The following SORBS3 variants were observed in gnomAD, a reference collection of about 807,000 sequenced individuals.
SORBS3 encodes sorbin and SH3 domain containing 3.
Under a neutral mutation model 98.0 loss-of-function variants are expected in SORBS3, and 69 were observed. The ratio of observed to expected loss-of-function variants is 0.70; its 90% CI spans 0.58 to 0.86. The LOEUF (loss-of-function observed/expected upper bound fraction) is 0.86, where lower values mean the gene tolerates loss of function less well. Ranked by LOEUF, SORBS3 falls within the 40% of genes least tolerant of loss-of-function variation. The probability of loss-of-function intolerance (pLI) is 0.00; values close to 1 mark genes in which losing one functional copy is unlikely to be tolerated. For synonymous variants in SORBS3, 394 were observed against 355.4 expected (o/e 1.11, Z -1.22); for missense variants, 954 against 908.5 (o/e 1.05, Z -0.64).
In SORBS3 at chr8:22,561,903, A is replaced by AGGCCC. The variant is rs1330443380; in HGVS notation, c.565_569dup (p.Thr191ArgfsTer45). On this transcript the variant is annotated frameshift_variant, in exon 7 of 21. Coordinates refer to ENST00000240123, the MANE Select transcript of SORBS3 (RefSeq NM_005775.5). LOFTEE classifies it high-confidence loss of function. Reference sequence around the variant, plus strand: ...AGGAGCCCAGCAAAGACCTGCCCACAGGCCCGGCCCGGCAACATCTTCCAG... The same window carrying AGGCCC: ...AGGAGCCCAGCAAAGACCTGCCCACAGGCCCGGCCCGGCCCGGCAACATCTTCCAG... 1 of 1,614,104 alleles carries AGGCCC rather than the reference A, an allele frequency of 6.2e-7. No homozygotes were observed. The highest frequency in any genetic ancestry group is 8.5e-7 in the Non-Finnish European group (1 of 1,179,958).
At chr8:22,550,241 G>T (rs1273632902), upstream of SORBS3, among the ~76,000 whole-genome samples, 1 of 152,182 alleles carries the variant, frequency 6.6e-6, no homozygotes, top group East Asian at 1.9e-4. Flanking sequence ...CAATGCCCCT[G>T]CCATCCCCAT....
At chr8:22,562,380 G>C (rs1194161280) in intron 7 of SORBS3, among the ~76,000 whole-genome samples, 1 of 152,224 alleles carries the variant, frequency 6.6e-6, no homozygotes, top group East Asian at 1.9e-4. Flanking sequence ...TGATAGCACA[G>C]AGAGAGGAGC....
intron 1 of SORBS3, among the ~76,000 whole-genome samples, chr8:22,552,369 A>C (rs754270): frequency 0.45 from 69,066 of 151,998 alleles, 16,129 homozygotes; most frequent in African/African-American, 0.54. Flanking sequence ...CCTGGAGGGG[A>C]GGTCTGAATT....
chr8:22,573,253 C>A (rs10088686), intron 20 of SORBS3: 112,820 of 445,108 alleles, frequency 0.25, 15,433 homozygotes, highest in Non-Finnish European at 0.28. Flanking sequence ...GGGAGGGAGG[C>A]GGTGCTTGGA....
In SORBS3 at chr8:22,564,474, A is replaced by T; in HGVS notation, c.769A>T (p.Lys257Ter). 1.2e-6 allele frequency: 2 copies of T among 1,614,124 alleles called. No homozygotes were observed. Among genetic ancestry groups the T allele is most frequent in the Non-Finnish European group, 1.7e-6 (2 of 1,180,026 alleles). Residue 257 changes from lysine (K) to a stop codon, truncating the protein, a stop_gained, in exon 10 of 21, where the codon AAA (lysine) becomes TAA (stop). Transcript: ENST00000240123. LOFTEE classifies it high-confidence loss of function. Reference protein sequence around the residue: ...QELETGQRPKKPLVDDPGEKP... With the variant: ...QELETGQRPK ...CACCCTTTCTACCCTTCAGCCCAAG[A>T]AACCGCTGGTGGACGACCCTGGTGA...
chr8:22,552,069 G>A (rs1840092932), intron 1 of SORBS3, 47 bp downstream of exon 1: 3 of 985,268 alleles, frequency 3.0e-6, no homozygotes, highest in Non-Finnish European at 3.6e-6. Flanking sequence ...GCCGGCGGGA[G>A]GGATCCGTGC....
At chr8:22,572,034 G>A (rs1840600821) in intron 19 of SORBS3, among the ~76,000 whole-genome samples, 1 of 152,228 alleles carries the variant, frequency 6.6e-6, no homozygotes, top group Admixed American at 6.5e-5. Flanking sequence ...GTGGCCTTGT[G>A]GCCTTGGTCT....
Position 22,554,591 on chromosome 8 carries a change from T to TC in SORBS3, c.87dup (p.Ser30LeufsTer18). On this transcript the variant is annotated frameshift_variant, in exon 2 of 21. Transcript: ENST00000240123. LOFTEE classifies it high-confidence loss of function. This position sits in a 1 kb window ranked among gnomAD's most constrained non-coding sequence, Gnocchi z 6.5. ...CCACCTCCAGTCCCACATAGGGTCT[T>TC]CCTCCCGGGGGACACGGGTGAGTGA... is the stretch of plus-strand genomic sequence containing the variant. 6.2e-7 allele frequency: 1 copy of TC among 1,612,568 alleles called. No homozygotes were observed. Among genetic ancestry groups the TC allele is most frequent in the Non-Finnish European group, 8.5e-7 (1 of 1,179,914 alleles).
chr8:22,555,722 G>A (rs1232372115), intron 3 of SORBS3, among the ~76,000 whole-genome samples: 1 of 152,222 alleles, frequency 6.6e-6, no homozygotes, highest in East Asian at 1.9e-4. Flanking sequence ...GTGGTGGCGG[G>A]TGCCTGAAAT....
chr8:22,565,033 G>A (rs1003651914), intron 10 of SORBS3: 143 of 1,402,216 alleles, frequency 1.0e-4, no homozygotes, highest in Admixed American at 3.1e-5. Context: ...GGAATCGCGG[G>A]ATCAGGAAGC....
upstream of SORBS3, chr8:22,550,028 T>C: frequency 1.0e-6 from 1 of 985,366 alleles, no homozygotes; most frequent in Non-Finnish European, 1.2e-6. Context: ...GAAAGCGATG[T>C]GGTCCTTCTT....
chr8:22,569,267 C>T lies in SORBS3; in HGVS notation c.1425C>T (p.Phe475=). The T allele has an allele frequency of 6.3e-7, 1 of 1,593,986 alleles. No individual in the cohort carries two copies. The highest frequency in any genetic ancestry group is 1.1e-5 in the South Asian group (1 of 88,562). Reference sequence around the variant, plus strand: ...GGGACCTGGAGGTGGAGCTGTCCTTCCGCAAGGTGGGCCAGGCCGGAGACG... The same window carrying T: ...GGGACCTGGAGGTGGAGCTGTCCTTTCGCAAGGTGGGCCAGGCCGGAGACG... The part of the protein sequence containing the change: ...FKGDLEVELS[F]RKGEHICLIR... Residue 475 remains phenylalanine, a synonymous_variant, in exon 17 of 21, where the codon TTC becomes TTT. Transcript: ENST00000240123.
At chr8:22,561,232 C>A in intron 5 of SORBS3, 103 bp from the exon 6 acceptor site, 3 of 1,131,708 alleles carry the variant, frequency 2.7e-6, no homozygotes, top group Non-Finnish European at 3.8e-6. Flanking sequence ...CAGCCCTCAG[C>A]CCCCTACTCT....
chr8:22,565,644 A>C (rs968177337), intron 11 of SORBS3, 182 bp from the exon 12 acceptor site: 5 of 1,055,276 alleles, frequency 4.7e-6, no homozygotes, highest in Non-Finnish European at 6.0e-6. Flanking sequence ...AGCCTCGGGG[A>C]CCCCCGCCCC....
In SORBS3 at chr8:22,574,719, C is replaced by T; in HGVS notation, c.2007C>T (p.Ala669=). 1.2e-6 allele frequency: 2 copies of T among 1,611,200 alleles called. No homozygotes were observed. ...GAACGTTCCCTGGAAATTACGTTGC[C>T]CCGGTGTGAGTGGTCTCCATGGCAA... ...KFGTFPGNYV[A]PV The change falls in exon 21 of 21, where the codon GCC becomes GCT. Residue 669 remains alanine, a synonymous_variant. Transcript: ENST00000240123.
upstream of SORBS3, among the ~76,000 whole-genome samples, chr8:22,547,561 C>T (rs191093774): frequency 2.7e-3 from 405 of 152,300 alleles, 4 homozygotes; most frequent in South Asian, 6.4e-3. Context: ...TCCTACCCAT[C>T]GCAGTCTACC....
intron 12 of SORBS3, 42 bp downstream of exon 12, chr8:22,565,914 C>G: frequency 8.3e-7 from 1 of 1,207,604 alleles, no homozygotes; most frequent in Non-Finnish European, 1.0e-6. Flanking sequence ...CTGTCCCAGG[C>G]CGGGCGGGAG....
In SORBS3 at chr8:22,571,850, G is replaced by C. The variant is rs1586908736; in HGVS notation, c.1847+29G>C. The stretch of plus-strand genomic sequence containing the variant: ...AGTACCATCTGAGGGCTCTTGATCA[G>C]ACGTGGGGGGGGTCACTGGCAGGCA... On this transcript the variant is annotated intron_variant, in intron 19 of 20. Transcript: ENST00000240123. The C allele has an allele frequency of 1.0e-5, 15 of 1,483,002 alleles. No individual in the cohort carries two copies. In the East Asian group the frequency reaches 3.4e-4, roughly 34 times the overall value. 91.9% of individuals were successfully genotyped at this position (1,483,002 alleles called of 1,614,324 possible).
chr8:22,574,806 C>T lies in SORBS3; in HGVS notation c.*78C>T, dbSNP rs754820094. On this transcript the variant is annotated 3_prime_UTR_variant, in exon 21 of 21. Coordinates refer to ENST00000240123, the MANE Select transcript of SORBS3 (RefSeq NM_005775.5). ...ACTCGTGGGAGGGAGAGGACCCCCGCCCACATCCTCCTTCCCCAGGACCTG... is the reference window on the plus strand; with the variant it reads ...ACTCGTGGGAGGGAGAGGACCCCCGTCCACATCCTCCTTCCCCAGGACCTG... 5 of 1,341,972 alleles carry T rather than the reference C, an allele frequency of 3.7e-6. No homozygotes were observed. Among genetic ancestry groups the T allele is most frequent in the Non-Finnish European group, 5.4e-6 (5 of 933,368 alleles). The allele number at this position is 1,341,972 out of a possible 1,614,324, so 83.1% of individuals were successfully genotyped here.
Sources: gnomAD v4.1 joint callset for allele counts (sites outside exome capture counted in the v4.1 genomes callset) on GRCh38, gnomAD v4.1.1 for gene constraint, Gnocchi (gnomAD v3.1) non-coding constraint, MANE v1.5 for transcripts, NCBI Gene and HGNC (gene_info 2026-07-23, HGNC 2026-07-21) for gene names.